TTC19: variants seen among roughly 807,000 people sequenced by gnomAD.
TTC19 encodes the protein tetratricopeptide repeat protein 19, mitochondrial.
A neutral mutation model predicts 49.5 loss-of-function variants in TTC19; 38 were observed. The observed-to-expected ratio is 0.77, with a 90% confidence interval of 0.59 to 1.01. TTC19 has a LOEUF of 1.01. TTC19 is among the 50% of genes least tolerant of loss of function. TTC19 has a pLI of 0.00. For synonymous variants in TTC19, 204 were observed against 185.2 expected, an observed-to-expected ratio of 1.10 and a Z score of -0.83; for missense variants, 475 against 477.7, an observed-to-expected ratio of 0.99 and a Z score of 0.05.
At chr17:16,044,962 A>T in exon 3 of TTC19, 2 of 551,750 alleles carry the variant, frequency 3.6e-6, no homozygotes, top group South Asian at 1.8e-5. Context: ...TTTTGACTAA[A>T]TTTCTTATAA....
chr17:15,999,935 C>T lies in TTC19; in HGVS notation c.87C>T (p.Leu29=), dbSNP rs773742878. ...GCCGGGGCTGCTCCGCGCGCCTGCT[C>T]CCGGGGCTGGCAGGAGGTCCGGGGC... ...RRCRGCSARL[L]PGLAGGPGPE... is the part of the protein sequence containing the mutation. The change falls in exon 1 of 10, where the codon CTC becomes CTT. Residue 29 remains leucine, a synonymous_variant. Coordinates refer to ENST00000261647, the MANE Select transcript of TTC19 (RefSeq NM_017775.4). 3.1e-5 allele frequency: 41 copies of T among 1,334,500 alleles called. No homozygotes were observed. In the Admixed American group the frequency reaches 3.3e-4, roughly 11 times the overall value. 82.7% of individuals were successfully genotyped at this position (1,334,500 alleles called of 1,614,324 possible).
At chr17:16,010,831 T>G (rs1309002446) in intron 7 of TTC19, among the ~76,000 whole-genome samples, 1 of 152,248 alleles carries the variant, frequency 6.6e-6, no homozygotes, top group Non-Finnish European at 1.5e-5. Flanking sequence ...CTCAATAATA[T>G]AAAATTGCTA....
chr17:16,039,971 T>C lies in TTC19; in HGVS notation c.248-4532T>C, dbSNP rs2057247130. 1.5e-5 allele frequency: 6 copies of C among 387,520 alleles called. No individual in the cohort carries two copies. In the Admixed American group the frequency reaches 2.2e-4, roughly 14 times the overall value. The allele number at this position is 387,520 out of a possible 1,614,324, so 24.0% of individuals were successfully genotyped here. ...ACACCAGGCTAATTTTTTGTATTTT[T>C]AGGAGATGGGGTTTCACCATATTGG... On this transcript the variant is annotated intron_variant, in intron 2 of 2. Transcript: ENST00000470649.
intron 7 of TTC19, chr17:16,024,689 CT>C (rs1480819142): frequency 2.9e-6 from 1 of 344,366 alleles, no homozygotes; most frequent in African/African-American, 2.2e-5. Context: ...CATTGTTTTT[CT>C]TATACCATAC....
At chr17:16,017,658 G>A (rs1282518565) in intron 7 of TTC19, among the ~76,000 whole-genome samples, 1 of 151,918 alleles carries the variant, frequency 6.6e-6, no homozygotes, top group Middle Eastern at 3.2e-3. Context: ...CTACTCGGGA[G>A]GCTGAAGCAG....
intron 2 of TTC19, among the ~76,000 whole-genome samples, chr17:16,035,469 T>A (rs1974192666): frequency 6.6e-6 from 1 of 152,010 alleles, no homozygotes; most frequent in African/African-American, 2.4e-5. Context: ...CATTTCAAGT[T>A]TGATCATGAG....
chr17:16,044,790 G>A (rs2058382380), exon 3 of TTC19: 2 of 1,104,790 alleles, frequency 1.8e-6, no homozygotes, highest in Non-Finnish European at 2.7e-6. Context: ...GTCAACATTG[G>A]GAGCCTCATC....
At chr17:16,044,218 A>G (rs1233190620) in intron 2 of TTC19, among the ~76,000 whole-genome samples, 1 of 151,706 alleles carries the variant, frequency 6.6e-6, no homozygotes, top group African/African-American at 2.4e-5. Flanking sequence ...TGTAAGCCTG[A>G]TAACAATTCT....
chr17:16,016,774 T>A (rs981973110), intron 7 of TTC19, among the ~76,000 whole-genome samples: 6 of 152,116 alleles, frequency 3.9e-5, no homozygotes, highest in African/African-American at 1.2e-4. Context: ...TCCAGGCTGG[T>A]CTCGAACTCC....
rs143373099 is a variant in TTC19, at chr17:16,012,260, G to A, written c.676+5692G>A. On this transcript the variant is annotated intron_variant, in intron 7 of 9. Coordinates refer to ENST00000261647, the MANE Select transcript of TTC19 (RefSeq NM_017775.4). ...TCCCAGCACTTTGGGAGGCCAAGGC[G>A]GGTGGATCACTTGAGGTCAGTCGTT... 7.3e-3 allele frequency among the ~76,000 whole-genome samples: 1,109 copies of A among 152,202 alleles called. 13 individuals are homozygous for A. Among genetic ancestry groups the A allele is most frequent in the African/African-American group, 0.026 (1,066 of 41,528 alleles).
At chr17:16,006,422 G>GAAA in intron 6 of TTC19, 52 bp from the exon 7 acceptor site, 1 of 1,149,160 alleles carries the variant, frequency 8.7e-7, no homozygotes, top group Non-Finnish European at 1.3e-6. Context: ...ACAGAAGGAA[G>GAAA]AAAAAAAAAA....
chr17:16,012,099 C>T (rs1971089199), intron 7 of TTC19, among the ~76,000 whole-genome samples: 1 of 151,196 alleles, frequency 6.6e-6, no homozygotes, highest in Non-Finnish European at 1.5e-5. Context: ...AATATTAATC[C>T]TTTGTCTCTT....
In TTC19 at chr17:16,010,931, T is replaced by C. The variant is rs189424083; in HGVS notation, c.676+4363T>C. Among the ~76,000 whole-genome samples, 237 of 152,374 alleles carry C rather than the reference T, an allele frequency of 1.6e-3. No homozygotes were observed. The Middle Eastern group carries it at 0.024, about 15-fold the overall frequency. ...TGGTTGTGTCTACATTATGAGTGTA[T>C]GAATAGTGTTAGCTGCTGAGCCAAG... On this transcript the variant is annotated intron_variant, in intron 7 of 9. Coordinates refer to ENST00000261647, the MANE Select transcript of TTC19 (RefSeq NM_017775.4).
intron 7 of TTC19, among the ~76,000 whole-genome samples, chr17:16,012,789 C>A (rs1466913809): frequency 6.6e-6 from 1 of 152,134 alleles, no homozygotes; most frequent in Non-Finnish European, 1.5e-5. Flanking sequence ...CTGCCCGCCT[C>A]AACCTCCCAA....
intron 6 of TTC19, among the ~76,000 whole-genome samples, chr17:16,005,965 T>C (rs532684470): frequency 6.6e-6 from 1 of 152,312 alleles, no homozygotes; most frequent in South Asian, 2.1e-4. Context: ...TCCTAAGTTA[T>C]ATTAAATGGA....
chr17:16,028,694 G>A lies in TTC19; in HGVS notation c.*1172G>A, dbSNP rs1971680117. 1 of 453,572 alleles carries A rather than the reference G, an allele frequency of 2.2e-6. No individual in the cohort carries two copies. The highest frequency in any genetic ancestry group is 2.0e-5 in the African/African-American group (1 of 49,862). The allele number at this position is 453,572 out of a possible 1,614,324, so 28.1% of individuals were successfully genotyped here. Reference sequence around the variant, plus strand: ...TTGACCCTGTTGGTATGCCTGTGGGGGTGGGATGTGAGTGGGACTGATAAA... The same window carrying A: ...TTGACCCTGTTGGTATGCCTGTGGGAGTGGGATGTGAGTGGGACTGATAAA... On this transcript the variant is annotated 3_prime_UTR_variant, in exon 10 of 10. Coordinates refer to ENST00000261647, the MANE Select transcript of TTC19 (RefSeq NM_017775.4).
Position 16,027,393 on chromosome 17 carries a change from A to G in TTC19, c.1014A>G (p.Lys338=). The change falls in exon 10 of 10, where the codon AAA becomes AAG. Residue 338 remains lysine (K), a synonymous_variant. Coordinates refer to ENST00000261647, the MANE Select transcript of TTC19 (RefSeq NM_017775.4). The part of the protein sequence containing the change: ...LMHRERYTQA[K]EIYQEALKQA... ...TTTTAGAACGATATACACAAGCAAA[A>G]GAGATCTACCAGGAAGCACTGAAGC... 1 of 1,613,982 alleles carries G rather than the reference A, an allele frequency of 6.2e-7. No homozygotes were observed. The highest frequency in any genetic ancestry group is 8.5e-7 in the Non-Finnish European group (1 of 1,179,928).
intron 2 of TTC19, among the ~76,000 whole-genome samples, chr17:16,000,870 C>T (rs1970707040): frequency 1.3e-5 from 2 of 152,180 alleles, no homozygotes; most frequent in Non-Finnish European, 2.9e-5. Flanking sequence ...CATACGCTTT[C>T]GCCATCTCTT....
At chr17:16,044,154 G>A (rs1172805306) in intron 2 of TTC19, among the ~76,000 whole-genome samples, 2 of 117,416 alleles carry the variant, frequency 1.7e-5, no homozygotes, top group Non-Finnish European at 1.6e-5. Flanking sequence ...GGGCCACAGA[G>A]TAAGACTCCA....
Sources: gnomAD v4.1 joint callset for allele counts (sites outside exome capture counted in the v4.1 genomes callset) on GRCh38, gnomAD v4.1.1 for gene constraint, MANE v1.5 for transcripts, NCBI Gene and HGNC (gene_info 2026-07-23, HGNC 2026-07-21) for gene names.